The following FTCDNL1 variants were observed in gnomAD, a reference collection of about 807,000 sequenced individuals.
FTCDNL1 encodes the protein formiminotransferase cyclodeaminase N-terminal like, also known as formiminotransferase N-terminal subdomain-containing protein.
FTCDNL1 carries 11 observed loss-of-function variants against 5.9 expected under a neutral mutation model. That is an observed-to-expected ratio of 1.87 (90% confidence interval 1.18 to 3.10). FTCDNL1 has a LOEUF of 3.10. Ranked by LOEUF, FTCDNL1 falls within the 30% of genes most tolerant of loss-of-function variation. The pLI, the probability that FTCDNL1 is intolerant of heterozygous loss-of-function variation, is 0.00. For missense variants in FTCDNL1, 115 were observed against 65.5 expected (o/e 1.76, Z -2.61); for synonymous variants, 58 against 24.8 (o/e 2.34, Z -3.99).
intron 4 of FTCDNL1, among the ~76,000 whole-genome samples, chr2:199,817,324 G>T (rs1280169885): frequency 6.6e-6 from 1 of 152,146 alleles, no homozygotes; most frequent in African/African-American, 2.4e-5. Context: ...CATTAACAGT[G>T]TAAATGTCTC....
rs1464062638 is a variant in FTCDNL1 at position 199,810,626 on chromosome 2, A to C, written c.*2079T>G. Reference sequence around the variant, plus strand: ...TCAGGGATGGTGCGGCTCACATTACATAAATAGCGTGGCTCTAATTATAGT... The same window carrying C: ...TCAGGGATGGTGCGGCTCACATTACCTAAATAGCGTGGCTCTAATTATAGT... On this transcript the variant is annotated 3_prime_UTR_variant, in exon 5 of 5. Transcript: ENST00000420128. 6.6e-6 allele frequency among the ~76,000 whole-genome samples: 1 copy of C among 152,224 alleles called. No individual in the cohort carries two copies. The highest frequency in any genetic ancestry group is 2.4e-5 in the African/African-American group (1 of 41,474).
the FTCDNL1 span, among the ~76,000 whole-genome samples, chr2:199,683,946 C>T: frequency 6.6e-6 from 1 of 152,194 alleles, no homozygotes; most frequent in Non-Finnish European, 1.5e-5. Flanking sequence ...TGTCTGTTCT[C>T]TCTTGTAGGT....
intron 3 of FTCDNL1, among the ~76,000 whole-genome samples, chr2:199,833,452 A>C (rs752951808): frequency 6.6e-5 from 10 of 152,172 alleles, no homozygotes; most frequent in Non-Finnish European, 2.9e-5. Context: ...TTTGTTAAGG[A>C]CCTCTCACTC....
At chr2:199,819,385 C>T (rs1701544515) in intron 4 of FTCDNL1, 187 bp downstream of exon 4, 4 of 585,474 alleles carry the variant, frequency 6.8e-6, no homozygotes, top group South Asian at 4.3e-5. Flanking sequence ...TTGACGGGAG[C>T]TTCTAGGCTC....
chr2:199,812,537 T>C lies in FTCDNL1; in HGVS notation c.*168A>G, dbSNP rs1701095194. 2 of 460,346 alleles carry C rather than the reference T, an allele frequency of 4.3e-6. No individual in the cohort carries two copies. Among genetic ancestry groups the C allele is most frequent in the Non-Finnish European group, 7.7e-6 (2 of 261,240 alleles). The allele number at this position is 460,346 out of a possible 1,614,324, so 28.5% of individuals were successfully genotyped here. On this transcript the variant is annotated 3_prime_UTR_variant, in exon 5 of 5. Transcript: ENST00000420128. ...CTAGTTAAATGTCATATAATTAAAGTAATTCCACTTTTTGCTCTAAAATTA... is the reference window on the plus strand; with the variant it reads ...CTAGTTAAATGTCATATAATTAAAGCAATTCCACTTTTTGCTCTAAAATTA...
intron 3 of FTCDNL1, among the ~76,000 whole-genome samples, chr2:199,767,175 A>T (rs1184378645): frequency 6.6e-6 from 1 of 152,250 alleles, no homozygotes; most frequent in Non-Finnish European, 1.5e-5. Flanking sequence ...CTTTTAGAAA[A>T]CAAAAAGATT....
chr2:199,788,930 A>G (rs1446995560), intron 3 of FTCDNL1, among the ~76,000 whole-genome samples: 1 of 152,036 alleles, frequency 6.6e-6, no homozygotes, highest in Non-Finnish European at 1.5e-5. Flanking sequence ...AATCTAGAAT[A>G]AATGGATAAT....
At chr2:199,675,604 ATAAT>A in the FTCDNL1 span, among the ~76,000 whole-genome samples, 1 of 152,180 alleles carries the variant, frequency 6.6e-6, no homozygotes, top group Non-Finnish European at 1.5e-5. Context: ...CGGAGCTGGT[ATAAT>A]GACTCCATCG....
chr2:199,691,827 G>A, the FTCDNL1 span, among the ~76,000 whole-genome samples: 1 of 151,998 alleles, frequency 6.6e-6, no homozygotes, highest in African/African-American at 2.4e-5. Context: ...TATTTAATGA[G>A]CAATTGTCTA....
At chr2:199,710,992 T>G in the FTCDNL1 span, among the ~76,000 whole-genome samples, 3 of 152,130 alleles carry the variant, frequency 2.0e-5, no homozygotes, top group Non-Finnish European at 4.4e-5. Flanking sequence ...CTGGGAATTT[T>G]TCCCAGGAAA....
chr2:199,822,150 C>T (rs567044528), intron 3 of FTCDNL1, among the ~76,000 whole-genome samples: 2 of 152,108 alleles, frequency 1.3e-5, no homozygotes, highest in South Asian at 2.1e-4. Context: ...CGCCTGTAAT[C>T]CTAACACTTA....
At chr2:199,785,450 A>G (rs1699593081) in intron 3 of FTCDNL1, 1 of 151,646 alleles carries the variant, frequency 6.6e-6, no homozygotes. Flanking sequence ...GGGTTTCACC[A>G]TGGTCTCGAT....
chr2:199,815,087 T>C (rs1025438504), intron 4 of FTCDNL1, among the ~76,000 whole-genome samples: 1 of 152,210 alleles, frequency 6.6e-6, no homozygotes, highest in East Asian at 1.9e-4. Context: ...CAGACAGCAG[T>C]GTTTAAATTA....
chr2:199,737,105 G>A, the FTCDNL1 span, among the ~76,000 whole-genome samples: 12,210 of 152,212 alleles, frequency 0.08, 1,006 homozygotes, highest in African/African-American at 0.18. Flanking sequence ...TGAGAGCTGT[G>A]ATGTTGTTAA....
At chr2:199,839,199 G>A (rs778240506) in intron 3 of FTCDNL1, among the ~76,000 whole-genome samples, 2 of 152,080 alleles carry the variant, frequency 1.3e-5, no homozygotes, top group Admixed American at 6.5e-5. Flanking sequence ...AGGGTGAAGG[G>A]GACAAGGTGA....
Position 199,812,603 on chromosome 2 carries a change from G to A in FTCDNL1, c.*102C>T, listed in dbSNP as rs866520176. Reference sequence around the variant, plus strand: ...AGTTTGTTTCTCAGTTTGCAGTTTCGCTCCACTCCCGCCTCCCGCAGATTG... The same window carrying A: ...AGTTTGTTTCTCAGTTTGCAGTTTCACTCCACTCCCGCCTCCCGCAGATTG... On this transcript the variant is annotated 3_prime_UTR_variant, in exon 5 of 5. Coordinates refer to ENST00000420128, the MANE Select transcript of FTCDNL1 (RefSeq NM_001363886.2). The A allele has an allele frequency of 3.3e-5, 17 of 511,720 alleles. No homozygotes were observed. The highest frequency in any genetic ancestry group is 5.4e-4 in the Middle Eastern group (2 of 3,670). The allele number at this position is 511,720 out of a possible 1,614,324, so 31.7% of individuals were successfully genotyped here.
chr2:199,718,209 C>T, the FTCDNL1 span, among the ~76,000 whole-genome samples: 1 of 152,060 alleles, frequency 6.6e-6, no homozygotes, highest in Non-Finnish European at 1.5e-5. Flanking sequence ...TCAACCTCAT[C>T]CCCCTCCCCA....
the FTCDNL1 span, among the ~76,000 whole-genome samples, chr2:199,727,738 C>G: frequency 6.6e-6 from 1 of 152,266 alleles, no homozygotes; most frequent in East Asian, 1.9e-4. Context: ...CTTGCCTTAT[C>G]AATCCAGAAA....
At chr2:199,667,417 G>A in the FTCDNL1 span, among the ~76,000 whole-genome samples, 3 of 152,054 alleles carry the variant, frequency 2.0e-5, no homozygotes, top group Non-Finnish European at 2.9e-5. Context: ...TGGGAGGCTC[G>A]CGAGACAGCA....
Sources: gnomAD v4.1 joint callset for allele counts (sites outside exome capture counted in the v4.1 genomes callset) on GRCh38, gnomAD v4.1.1 for gene constraint, MANE v1.5 for transcripts, NCBI Gene and HGNC (gene_info 2026-07-23, HGNC 2026-07-21) for gene names.